Variants in PINX1 observed in about 807,000 individuals in gnomAD.
PINX1 encodes the protein PIN2/TERF1-interacting telomerase inhibitor 1.
In PINX1, 34 loss-of-function variants were observed where a neutral mutation model predicts 25.4. The observed-to-expected ratio is 1.34, with a 90% CI of 1.02 to 1.78. The LOEUF (loss-of-function observed/expected upper bound fraction) is 1.78, where lower values mean the gene tolerates loss of function less well. PINX1 is among the 40% of genes most tolerant of loss of function. PINX1 has a pLI of 0.00. For synonymous variants in PINX1, 197 were observed against 147.7 expected (o/e 1.33, Z -2.42); for missense variants, 592 against 404.9 (o/e 1.46, Z -3.97).
chr8:10,802,645 G>T (rs568767808), intron 6 of PINX1, among the ~76,000 whole-genome samples: 1 of 152,184 alleles, frequency 6.6e-6, no homozygotes, highest in Non-Finnish European at 1.5e-5. Context: ...AGTACACAGA[G>T]GGCAGGGGCC....
At chr8:10,766,602 G>T (rs113669397) in intron 6 of PINX1, among the ~76,000 whole-genome samples, 22 of 152,330 alleles carry the variant, frequency 1.4e-4, no homozygotes, top group Non-Finnish European at 2.4e-4. Context: ...CTCAGCTGGG[G>T]GTGGGGAGTA....
Position 10,839,825 on chromosome 8 carries a change from CCAGGAGAAT to C in PINX1, c.-78_-70del. 6.8e-7 allele frequency: 1 copy of C among 1,476,320 alleles called. No individual in the cohort carries two copies. The highest frequency in any genetic ancestry group is 1.2e-5 in the South Asian group (1 of 82,496). 91.5% of individuals were successfully genotyped at this position (1,476,320 alleles called of 1,614,324 possible). ...GCGGCCACTGGGCGGGCTGGAGACT[CCAGGAGAAT>C]CAGGACGTGCGTAACTCCCTCGCCG... On this transcript the variant is annotated 5_prime_UTR_variant, in exon 1 of 7. Coordinates refer to ENST00000314787, the MANE Select transcript of PINX1 (RefSeq NM_017884.6).
intron 6 of PINX1, among the ~76,000 whole-genome samples, chr8:10,792,203 C>G (rs1232177924): frequency 6.6e-6 from 1 of 152,134 alleles, no homozygotes; most frequent in African/African-American, 2.4e-5. Flanking sequence ...ACTCTCCGCG[C>G]TGGATGGGCC....
chr8:10,834,669 T>G lies in PINX1; in HGVS notation c.126A>C (p.Gly42=), dbSNP rs765721060. Residue 42 remains glycine, a synonymous_variant, in exon 2 of 7, where the codon GGA becomes GGC. Transcript: ENST00000314787. ...RMLEKMGWSK[G]KGLGAQEQGA... is the part of the protein sequence containing the mutation. ...TTTCCGCTTTTCTCCAAAATACCTT[T>G]CCTTTAGACCACCCCATCTTCTCTA... The G allele has an allele frequency of 6.2e-7, 1 of 1,612,812 alleles. No homozygotes were observed. The highest frequency in any genetic ancestry group is 1.1e-5 in the South Asian group (1 of 90,736).
At chr8:10,819,518 T>C (rs1465013056) in intron 6 of PINX1, among the ~76,000 whole-genome samples, 2 of 152,224 alleles carry the variant, frequency 1.3e-5, no homozygotes, top group Non-Finnish European at 2.9e-5. Context: ...AATCCTAATA[T>C]ATCTCAAACT....
Position 10,780,452 on chromosome 8 carries a change from G to A in PINX1, c.472-14536C>T, listed in dbSNP as rs554960115. ...GGATGCTGAATGCTTTTTCTGTGTT[G>A]ACTGAGATGATCACGTGGTTTTGTC... On this transcript the variant is annotated intron_variant, in intron 6 of 6. Transcript: ENST00000314787. 4.6e-5 allele frequency among the ~76,000 whole-genome samples: 7 copies of A among 152,200 alleles called. No homozygotes were observed. In the South Asian group the frequency reaches 1.5e-3, roughly 32 times the overall value.
chr8:10,808,431 C>G (rs779059249), intron 6 of PINX1, among the ~76,000 whole-genome samples: 24 of 152,148 alleles, frequency 1.6e-4, no homozygotes, highest in Non-Finnish European at 2.9e-4. Context: ...TTTTTTACAT[C>G]TAGGTGCGTA....
intron 6 of PINX1, among the ~76,000 whole-genome samples, chr8:10,771,934 A>G (rs1477852212): frequency 6.6e-6 from 1 of 152,208 alleles, no homozygotes; most frequent in Non-Finnish European, 1.5e-5. Flanking sequence ...TTAGCAATAA[A>G]TAGAAACTCA....
At chr8:10,817,608 T>C (rs1183743766) in intron 6 of PINX1, among the ~76,000 whole-genome samples, 6 of 152,216 alleles carry the variant, frequency 3.9e-5, no homozygotes, top group East Asian at 1.9e-4. Context: ...TCTGCACACA[T>C]GCAGGCATGT....
intron 6 of PINX1, among the ~76,000 whole-genome samples, chr8:10,817,966 A>G (rs1797751709): frequency 6.6e-6 from 1 of 152,232 alleles, no homozygotes; most frequent in Admixed American, 6.5e-5. Flanking sequence ...CTCCTTTTGT[A>G]ATATAGATAC....
chr8:10,771,203 T>G (rs1445898125), intron 6 of PINX1: 1 of 152,216 alleles, frequency 6.6e-6, no homozygotes, highest in African/African-American at 2.4e-5. Context: ...AGGTATGAAG[T>G]GACTGTGTGT....
intron 6 of PINX1, among the ~76,000 whole-genome samples, chr8:10,783,565 A>G (rs891241675): frequency 6.6e-6 from 1 of 152,138 alleles, no homozygotes; most frequent in Non-Finnish European, 1.5e-5. Context: ...GCTGCATCAC[A>G]TATGCCCCCA....
intron 6 of PINX1, among the ~76,000 whole-genome samples, chr8:10,819,153 G>A (rs1389108330): frequency 2.0e-5 from 3 of 152,162 alleles, no homozygotes; most frequent in Admixed American, 6.5e-5. Flanking sequence ...GAGGGTGCAG[G>A]GGCAGACAGG....
At chr8:10,768,440 G>A (rs919634471) in intron 6 of PINX1, among the ~76,000 whole-genome samples, 2 of 152,140 alleles carry the variant, frequency 1.3e-5, no homozygotes, top group African/African-American at 2.4e-5. Context: ...TGAATTCAGC[G>A]GGTCTTCGTA....
chr8:10,770,179 G>C (rs1367329643), intron 6 of PINX1, among the ~76,000 whole-genome samples: 1 of 152,252 alleles, frequency 6.6e-6, no homozygotes, highest in African/African-American at 2.4e-5. Flanking sequence ...ATGCTGGACA[G>C]CTTCCACCTG....
At chr8:10,832,274 T>C (rs1422302177) in intron 3 of PINX1, among the ~76,000 whole-genome samples, 1 of 152,156 alleles carries the variant, frequency 6.6e-6, no homozygotes, top group Non-Finnish European at 1.5e-5. Flanking sequence ...GGTTACCTAA[T>C]AAGTTTATTA....
At chr8:10,830,956 A>G (rs374383776) in intron 4 of PINX1, among the ~76,000 whole-genome samples, 2 of 152,216 alleles carry the variant, frequency 1.3e-5, no homozygotes, top group African/African-American at 4.8e-5. Context: ...GCATTACCCA[A>G]AGGAAAGGAA....
intron 5 of PINX1, among the ~76,000 whole-genome samples, chr8:10,820,571 G>A (rs1042949095): frequency 1.3e-5 from 2 of 152,082 alleles, no homozygotes; most frequent in Non-Finnish European, 2.9e-5. Context: ...CCCTACTCCC[G>A]CTATGCCCTC....
In PINX1 at chr8:10,816,070, G is replaced by A. The variant is rs140703200; in HGVS notation, c.471+4123C>T. ...ATTGTCAGGGTCACGGGCGGTGTTGGAGGGGTATGCAACTATGATTGGGGT... is the reference window on the plus strand; with the variant it reads ...ATTGTCAGGGTCACGGGCGGTGTTGAAGGGGTATGCAACTATGATTGGGGT... On this transcript the variant is annotated intron_variant, in intron 6 of 6. Transcript: ENST00000314787. 4.8e-3 allele frequency among the ~76,000 whole-genome samples: 728 copies of A among 152,330 alleles called. 4 individuals carry two copies. Among genetic ancestry groups the A allele is most frequent in the Non-Finnish European group, 7.6e-3 (518 of 68,028 alleles).
Sources: allele counts gnomAD v4.1 joint callset (sites outside exome capture counted in the v4.1 genomes callset), GRCh38; gene constraint gnomAD v4.1.1; transcripts MANE v1.5; gene names NCBI Gene and HGNC (gene_info 2026-07-23, HGNC 2026-07-21).